Variants in KCNH8 observed in about 807,000 individuals in gnomAD.
KCNH8 encodes the protein voltage-gated delayed rectifier potassium channel KCNH8.
A neutral mutation model predicts 103.6 loss-of-function variants in KCNH8; 70 were observed. The ratio of observed to expected loss-of-function variants is 0.68; its 90% CI spans 0.56 to 0.82. The LOEUF is 0.82. Among genes scored for constraint, KCNH8 ranks in the 40% least tolerant of loss-of-function variants. The pLI, the probability that KCNH8 is intolerant of heterozygous loss-of-function variation, is 0.00. For synonymous variants in KCNH8, 498 were observed against 489.4 expected, an observed-to-expected ratio of 1.02 and a Z score of -0.23; for missense variants, 1,217 against 1,329.9, an observed-to-expected ratio of 0.92 and a Z score of 1.32.
At chr3:19,383,098 C>G (rs2066309462) in intron 5 of KCNH8, among the ~76,000 whole-genome samples, 1 of 152,092 alleles carries the variant, frequency 6.6e-6, no homozygotes, top group Admixed American at 6.5e-5. Flanking sequence ...CACTTAATCT[C>G]TTCAGATGGT....
intron 1 of KCNH8, among the ~76,000 whole-genome samples, chr3:19,190,258 T>G (rs2063538720): frequency 1.3e-5 from 2 of 151,974 alleles, no homozygotes; most frequent in South Asian, 4.1e-4. Context: ...TTTTATTCAC[T>G]TCCTTTTTAT....
intron 2 of KCNH8, among the ~76,000 whole-genome samples, chr3:19,273,309 T>C (rs1444769623): frequency 2.0e-5 from 3 of 152,174 alleles, no homozygotes; most frequent in Non-Finnish European, 4.4e-5. Flanking sequence ...TAAAGAAAAG[T>C]ATCAAGAGAG....
At chr3:19,336,373 G>A (rs992101740) in intron 3 of KCNH8, among the ~76,000 whole-genome samples, 2 of 151,710 alleles carry the variant, frequency 1.3e-5, no homozygotes, top group Admixed American at 6.6e-5. Context: ...ATGGAGAATT[G>A]TTTTCATACA....
At chr3:19,202,795 G>A (rs1339134337) in intron 1 of KCNH8, among the ~76,000 whole-genome samples, 2 of 152,056 alleles carry the variant, frequency 1.3e-5, no homozygotes. Context: ...AAAAAGAAAT[G>A]TGTTTATTGA....
intron 3 of KCNH8, among the ~76,000 whole-genome samples, chr3:19,288,616 A>C (rs1054772811): frequency 2.0e-4 from 31 of 152,160 alleles, no homozygotes; most frequent in African/African-American, 5.8e-4. Context: ...ACATTTTCTT[A>C]ATCCAGTCTA....
chr3:19,271,119 T>C (rs1241086676), intron 2 of KCNH8, among the ~76,000 whole-genome samples: 2 of 152,172 alleles, frequency 1.3e-5, no homozygotes, highest in African/African-American at 2.4e-5. Flanking sequence ...GTGATAATGA[T>C]TCCTTTGGTA....
chr3:19,227,420 C>T (rs568347148), intron 1 of KCNH8, among the ~76,000 whole-genome samples: 1 of 152,078 alleles, frequency 6.6e-6, no homozygotes, highest in African/African-American at 2.4e-5. Context: ...CGAGGTGACC[C>T]GTTGTCTAGA....
At chr3:19,409,134 C>T (rs1246719312) in intron 7 of KCNH8, among the ~76,000 whole-genome samples, 2 of 152,042 alleles carry the variant, frequency 1.3e-5, no homozygotes, top group African/African-American at 4.8e-5. Flanking sequence ...GGAAAAATTA[C>T]ATACAAAGGG....
chr3:19,532,547 G>A (rs1483939949), intron 15 of KCNH8, among the ~76,000 whole-genome samples: 21 of 152,172 alleles, frequency 1.4e-4, no homozygotes, highest in Non-Finnish European at 2.9e-4. Context: ...GCAAGAGTGA[G>A]ACCTACCATT....
At chr3:19,298,521 TA>T (rs1408961284) in intron 3 of KCNH8, among the ~76,000 whole-genome samples, 1 of 152,156 alleles carries the variant, frequency 6.6e-6, no homozygotes, top group Non-Finnish European at 1.5e-5. Context: ...ATTGTGAAAG[TA>T]AAAATCATGT....
At chr3:19,204,747 G>T (rs912507063) in intron 1 of KCNH8, among the ~76,000 whole-genome samples, 3 of 152,012 alleles carry the variant, frequency 2.0e-5, no homozygotes, top group African/African-American at 7.2e-5. Flanking sequence ...TTATACACCA[G>T]CCTAGAGCAA....
intron 3 of KCNH8, among the ~76,000 whole-genome samples, chr3:19,324,611 C>T (rs780440089): frequency 6.6e-6 from 1 of 152,096 alleles, no homozygotes; most frequent in Non-Finnish European, 1.5e-5. Context: ...CAATAAAATA[C>T]CTAGGAATAC....
At chr3:19,344,926 C>T (rs1325775939) in intron 4 of KCNH8, among the ~76,000 whole-genome samples, 1 of 152,050 alleles carries the variant, frequency 6.6e-6, no homozygotes, top group African/African-American at 2.4e-5. Context: ...TTGTGGTACC[C>T]AACCTTTAAT....
At position 19,424,087 on chromosome 3, in the gene KCNH8, C is replaced by A. The variant is rs554079368; in HGVS notation, c.1178-14077C>A. ...TTCCCATCAACATACCATCATTATT[C>A]TTCAAAGAACTAGAAAAAACAATTC... On this transcript the variant is annotated intron_variant, in intron 7 of 15. Transcript: ENST00000328405. Among the ~76,000 whole-genome samples the A allele has an allele frequency of 7.2e-5, 11 of 152,218 alleles. No homozygotes were observed. In the South Asian group the frequency reaches 2.3e-3, roughly 32 times the overall value.
At chr3:19,507,697 C>T (rs954811645) in intron 11 of KCNH8, among the ~76,000 whole-genome samples, 42 of 152,166 alleles carry the variant, frequency 2.8e-4, no homozygotes, top group African/African-American at 8.9e-4. Context: ...GAAACAGGAT[C>T]GGAGACCTGG....
intron 1 of KCNH8, among the ~76,000 whole-genome samples, chr3:19,248,455 A>G (rs1218121198): frequency 6.6e-6 from 1 of 152,230 alleles, no homozygotes. Flanking sequence ...CTGGCTTAGG[A>G]GATGTCATCA....
At chr3:19,513,416 C>T in intron 13 of KCNH8, 91 bp downstream of exon 13, 1 of 1,463,704 alleles carries the variant, frequency 6.8e-7, no homozygotes, top group Non-Finnish European at 9.1e-7. Flanking sequence ...AGCCTTTCTA[C>T]TCCACAGATT....
intron 15 of KCNH8, among the ~76,000 whole-genome samples, chr3:19,527,005 T>C (rs2125251608): frequency 6.6e-6 from 1 of 152,038 alleles, no homozygotes; most frequent in African/African-American, 2.4e-5. Flanking sequence ...TCCACATTGG[T>C]CCTTATTCAA....
intron 5 of KCNH8, among the ~76,000 whole-genome samples, chr3:19,382,732 T>C (rs2066305021): frequency 6.6e-6 from 1 of 152,078 alleles, no homozygotes; most frequent in African/African-American, 2.4e-5. Context: ...GGAGTTGGAC[T>C]CGAAATTCTA....
Sources: gnomAD v4.1 joint callset for allele counts (sites outside exome capture counted in the v4.1 genomes callset) on GRCh38, gnomAD v4.1.1 for gene constraint, MANE v1.5 for transcripts, NCBI Gene and HGNC (gene_info 2026-07-23, HGNC 2026-07-21) for gene names.